Variants in DCAF8L2 observed in about 807,000 individuals in gnomAD.
DCAF8L2 encodes DDB1 and CUL4 associated factor 8 like 2.
For synonymous variants in DCAF8L2, 200 were observed against 190.9 expected (o/e 1.05, Z -0.39); for missense variants, 430 against 490.7 (o/e 0.88, Z 1.17).
At chrX:27,601,786 C>T (rs1003759215) in intron 1 of DCAF8L2, among the ~76,000 whole-genome samples, 1 of 110,697 alleles carries the variant, frequency 9.0e-6, no homozygotes, top group Non-Finnish European at 1.9e-5. Context: ...TGCTCTTCCC[C>T]CTCTACACTT....
intron 2 of DCAF8L2, among the ~76,000 whole-genome samples, chrX:27,634,440 A>G (rs936187886): frequency 5.4e-5 from 6 of 110,850 alleles, no homozygotes; most frequent in African/African-American, 2.0e-4. Flanking sequence ...TTATGGGCTC[A>G]GACTCTGAAA....
intron 2 of DCAF8L2, among the ~76,000 whole-genome samples, chrX:27,674,230 T>C (rs1182231901): frequency 1.8e-5 from 2 of 111,810 alleles, no homozygotes; most frequent in Non-Finnish European, 3.8e-5. Context: ...GACCTGTCAT[T>C]ATTAAGAGAT....
intron 2 of DCAF8L2, among the ~76,000 whole-genome samples, chrX:27,640,461 T>C (rs965502343): frequency 8.9e-6 from 1 of 112,287 alleles, no homozygotes; most frequent in Non-Finnish European, 1.9e-5. Context: ...TGAGCAGCAT[T>C]TCACTGTATG....
At chrX:27,562,038 G>T in the DCAF8L2 span, among the ~76,000 whole-genome samples, 3 of 111,588 alleles carry the variant, frequency 2.7e-5, no homozygotes, top group Non-Finnish European at 5.6e-5. Flanking sequence ...AAAATATGAA[G>T]GTTTCAGTTT....
At chrX:27,618,065 TAA>T (rs1291294994) in intron 1 of DCAF8L2, among the ~76,000 whole-genome samples, 13 of 111,723 alleles carry the variant, frequency 1.2e-4, no homozygotes, top group African/African-American at 4.2e-4. Flanking sequence ...TAGAGAGTTA[TAA>T]AGCTGCTAGA....
chrX:27,485,049 T>C, the DCAF8L2 span, among the ~76,000 whole-genome samples: 1 of 111,724 alleles, frequency 9.0e-6, no homozygotes, highest in Non-Finnish European at 1.9e-5. Flanking sequence ...GAGAAAATAA[T>C]TGAAATTATT....
the DCAF8L2 span, among the ~76,000 whole-genome samples, chrX:27,503,635 T>C: frequency 9.0e-6 from 1 of 111,438 alleles, no homozygotes; most frequent in African/African-American, 3.3e-5. Flanking sequence ...GTTCTCTGTT[T>C]TGTTCCATTA....
intron 3 of DCAF8L2, among the ~76,000 whole-genome samples, chrX:27,686,922 G>A (rs762154392): frequency 1.3e-4 from 15 of 112,289 alleles, no homozygotes; most frequent in South Asian, 3.7e-4. Context: ...CATCCTTTGC[G>A]TGTGCAGTTC....
chrX:27,479,499 C>T, the DCAF8L2 span, among the ~76,000 whole-genome samples: 1 of 111,713 alleles, frequency 9.0e-6, no homozygotes, highest in Non-Finnish European at 1.9e-5. Flanking sequence ...CTAAACAAAT[C>T]TTCACTACTA....
chrX:27,605,743 G>A (rs1926837041), intron 1 of DCAF8L2, among the ~76,000 whole-genome samples: 1 of 111,635 alleles, frequency 9.0e-6, no homozygotes, highest in African/African-American at 3.3e-5. Context: ...AAAAAAGAGC[G>A]ACATACCTGA....
At chrX:27,606,382 T>TATATATATATATATATA (rs1358332870) in intron 1 of DCAF8L2, among the ~76,000 whole-genome samples, 16 of 81,089 alleles carry the variant, frequency 2.0e-4, no homozygotes, top group East Asian at 3.7e-4. Context: ...TATATATATA[T>TATATATATATATATATA]TCTTTTGAGA....
the DCAF8L2 span, among the ~76,000 whole-genome samples, chrX:27,573,641 C>T: frequency 9.0e-6 from 1 of 111,136 alleles, no homozygotes; most frequent in Non-Finnish European, 1.9e-5. Context: ...TAGATTTTCA[C>T]CAACCCTTGA....
At chrX:27,703,590 A>T (rs1037001918) in intron 3 of DCAF8L2, among the ~76,000 whole-genome samples, 1 of 111,132 alleles carries the variant, frequency 9.0e-6, no homozygotes, top group Non-Finnish European at 1.9e-5. Context: ...TTGATTTTTG[A>T]AAAGAGCGCC....
chrX:27,587,563 G>A (rs1440078233), upstream of DCAF8L2, among the ~76,000 whole-genome samples: 5 of 111,348 alleles, frequency 4.5e-5, no homozygotes, highest in Admixed American at 1.9e-4. Flanking sequence ...GACATAAAGG[G>A]ACATGCAAAT....
the DCAF8L2 span, among the ~76,000 whole-genome samples, chrX:27,536,100 T>C: frequency 8.9e-6 from 1 of 112,088 alleles, no homozygotes; most frequent in African/African-American, 3.2e-5. Flanking sequence ...TCCATAAATA[T>C]GGCATCCCAG....
intron 1 of DCAF8L2, among the ~76,000 whole-genome samples, chrX:27,616,639 C>G (rs113930133): frequency 3.6e-5 from 4 of 111,548 alleles, no homozygotes; most frequent in African/African-American, 1.3e-4. Flanking sequence ...CCCTCCAACT[C>G]TTGCCACTAC....
At chrX:27,746,348 G>A (rs771601075) in intron 4 of DCAF8L2, among the ~76,000 whole-genome samples, 2 of 112,010 alleles carry the variant, frequency 1.8e-5, no homozygotes, top group Non-Finnish European at 3.8e-5. Context: ...AGCACTCAAG[G>A]TTTCCCTTAA....
chrX:27,495,374 T>C, the DCAF8L2 span, among the ~76,000 whole-genome samples: 1 of 111,685 alleles, frequency 9.0e-6, no homozygotes, highest in Non-Finnish European at 1.9e-5. Flanking sequence ...ATCAAGATTG[T>C]TTTGGCTCTC....
the DCAF8L2 span, among the ~76,000 whole-genome samples, chrX:27,497,694 G>A: frequency 9.1e-5 from 10 of 110,124 alleles, no homozygotes; most frequent in Non-Finnish European, 1.3e-4. Context: ...TCAGCCTCCC[G>A]AGTAGCTGGG....
Sources: gnomAD v4.1 joint callset for allele counts (sites outside exome capture counted in the v4.1 genomes callset) on GRCh38, gnomAD v4.1.1 for gene constraint, MANE v1.5 for transcripts, NCBI Gene and HGNC (gene_info 2026-07-23, HGNC 2026-07-21) for gene names.